Variants in RBFOX1 observed in about 807,000 individuals in gnomAD.
RBFOX1 encodes the protein RNA binding fox-1 homolog 1, also known as RNA binding protein fox-1 homolog 1.
Under a neutral mutation model 57.7 loss-of-function variants are expected in RBFOX1, and 8 were observed. That is an observed-to-expected ratio of 0.14 (90% CI 0.08 to 0.25). The LOEUF is 0.25. Ranked by LOEUF, RBFOX1 falls within the 10% of genes least tolerant of loss-of-function variation. The pLI, the probability that RBFOX1 is intolerant of heterozygous loss-of-function variation, is 1.00. For missense variants in RBFOX1, 611 were observed against 548.5 expected (o/e 1.11, Z -1.14); for synonymous variants, 326 against 222.4 (o/e 1.47, Z -4.15).
chr16:6,328,303 A>G (rs1365039523), intron 2 of RBFOX1, among the ~76,000 whole-genome samples: 2 of 152,210 alleles, frequency 1.3e-5, no homozygotes, highest in East Asian at 1.9e-4. Context: ...GGGATGAAGG[A>G]TAAAAGACTA....
At chr16:6,032,906 T>C (rs1027745432) in intron 1 of RBFOX1, among the ~76,000 whole-genome samples, 14 of 147,028 alleles carry the variant, frequency 9.5e-5, no homozygotes, top group African/African-American at 3.2e-4. Flanking sequence ...TTTCCCTCTC[T>C]CCCAGCCATT....
At chr16:5,701,368 T>A (rs11076950) in intron 3 of RBFOX1, among the ~76,000 whole-genome samples, 1 of 152,082 alleles carries the variant, frequency 6.6e-6, no homozygotes, top group Non-Finnish European at 1.5e-5. Flanking sequence ...AAGGGACTTC[T>A]TGGGAGAATA....
At chr16:5,755,061 C>T (rs1278362478) in intron 3 of RBFOX1, among the ~76,000 whole-genome samples, 2 of 44,544 alleles carry the variant, frequency 4.5e-5, no homozygotes, top group African/African-American at 2.0e-4. Context: ...TGCGGCCTTC[C>T]GCAGTTTTTG....
chr16:6,987,967 A>C (rs1006433905), intron 3 of RBFOX1, among the ~76,000 whole-genome samples: 3 of 152,038 alleles, frequency 2.0e-5, no homozygotes, highest in Admixed American at 6.6e-5. Context: ...CCAGCTAGGC[A>C]GTCTTTCCTT....
At chr16:7,476,930 A>C (rs2062841412) in intron 4 of RBFOX1, among the ~76,000 whole-genome samples, 1 of 152,300 alleles carries the variant, frequency 6.6e-6, no homozygotes, top group South Asian at 2.1e-4. Context: ...AGCTTTACCA[A>C]GCTGCCCTCA....
chr16:6,264,245 AG>A (rs1464328375), intron 1 of RBFOX1, among the ~76,000 whole-genome samples: 1 of 152,130 alleles, frequency 6.6e-6, no homozygotes, highest in Non-Finnish European at 1.5e-5. Context: ...CTGTCATGAA[AG>A]GAGAAAAACT....
chr16:7,478,002 C>T (rs1599456594), intron 4 of RBFOX1, among the ~76,000 whole-genome samples: 1 of 152,176 alleles, frequency 6.6e-6, no homozygotes. Context: ...TTGAATTCCT[C>T]CTTCTCTCTA....
At chr16:6,914,962 C>A (rs7203013) in intron 3 of RBFOX1, among the ~76,000 whole-genome samples, 119,752 of 152,198 alleles carry the variant, frequency 0.79, 47,152 homozygotes, top group East Asian at 0.9. Context: ...CGGATAGTGC[C>A]TGCGTACTAT....
chr16:6,523,211 T>C (rs77917365), intron 2 of RBFOX1, among the ~76,000 whole-genome samples: 4,039 of 152,004 alleles, frequency 0.027, 137 homozygotes, highest in African/African-American at 0.081. Flanking sequence ...CAGAGGAATA[T>C]CTGATAAAGA....
chr16:6,648,102 C>G (rs778059923), intron 2 of RBFOX1, among the ~76,000 whole-genome samples: 5 of 152,160 alleles, frequency 3.3e-5, no homozygotes, highest in Admixed American at 2.0e-4. Context: ...CTTGGCCTCC[C>G]AAAGTGCTGG....
intron 3 of RBFOX1, among the ~76,000 whole-genome samples, chr16:5,721,960 G>C (rs781363655): frequency 6.6e-6 from 1 of 152,164 alleles, no homozygotes; most frequent in Admixed American, 6.5e-5. Context: ...TACCTGGAAG[G>C]TCTTGACAGT....
chr16:5,290,800 G>C (rs570660211), intron 1 of RBFOX1, among the ~76,000 whole-genome samples: 1 of 152,020 alleles, frequency 6.6e-6, no homozygotes, highest in South Asian at 2.1e-4. Flanking sequence ...CCGAGTTCAA[G>C]TGATTTTCCT....
At chr16:6,259,976 G>C (rs1012538138) in intron 1 of RBFOX1, among the ~76,000 whole-genome samples, 2 of 146,186 alleles carry the variant, frequency 1.4e-5, no homozygotes, top group Middle Eastern at 3.3e-3. Flanking sequence ...AAAAAAAAAA[G>C]CTGATGAAAA....
intron 2 of RBFOX1, among the ~76,000 whole-genome samples, chr16:6,488,148 G>A (rs1441196300): frequency 6.6e-6 from 1 of 152,134 alleles, no homozygotes; most frequent in South Asian, 2.1e-4. Context: ...CTGTATATGA[G>A]GAAGGCCTCT....
At chr16:5,532,633 G>T (rs1394392074) in intron 2 of RBFOX1, among the ~76,000 whole-genome samples, 1 of 152,206 alleles carries the variant, frequency 6.6e-6, no homozygotes, top group Non-Finnish European at 1.5e-5. Context: ...AAAGATAGAG[G>T]TTCTTTGCTG....
intron 2 of RBFOX1, among the ~76,000 whole-genome samples, chr16:6,381,646 C>T (rs2091828202): frequency 6.6e-6 from 1 of 152,164 alleles, no homozygotes; most frequent in Non-Finnish European, 1.5e-5. Context: ...GGAGCTCTTC[C>T]TCTTGGCTTG....
chr16:5,944,279 C>G (rs1259268432), intron 4 of RBFOX1, among the ~76,000 whole-genome samples: 1 of 152,174 alleles, frequency 6.6e-6, no homozygotes, highest in African/African-American at 2.4e-5. Context: ...TTGCTTATCT[C>G]TAGGAATGGA....
intron 2 of RBFOX1, among the ~76,000 whole-genome samples, chr16:6,457,438 T>TACCC (rs757540836): frequency 1.8e-5 from 1 of 54,224 alleles, no homozygotes; most frequent in Non-Finnish European, 3.9e-5. Context: ...TTTCCGGAAG[T>TACCC]CCCCCCCCCC....
exon 3 of RBFOX1, chr16:5,599,422 C>A: frequency 3.5e-6 from 2 of 568,012 alleles, no homozygotes; most frequent in Non-Finnish European, 3.1e-6. Flanking sequence ...GGGTACATAA[C>A]CTGGGATGAT....
Sources: allele counts gnomAD v4.1 joint callset (sites outside exome capture counted in the v4.1 genomes callset), GRCh38; gene constraint gnomAD v4.1.1; transcripts MANE v1.5; gene names NCBI Gene and HGNC (gene_info 2026-07-23, HGNC 2026-07-21).